The following UGGT1 variants were observed in gnomAD, a reference collection of about 807,000 sequenced individuals.
UGGT1 encodes UDP-glucose:glycoprotein glucosyltransferase 1.
In UGGT1, 107 loss-of-function variants were observed where a neutral mutation model predicts 203.9. The observed-to-expected ratio is 0.52, with a 90% CI of 0.45 to 0.62. The LOEUF is 0.62. Ranked by LOEUF, UGGT1 falls within the 20% of genes least tolerant of loss-of-function variation. UGGT1 has a pLI of 0.00. For missense variants in UGGT1, 1,673 were observed against 1,867.2 expected (o/e 0.90, Z 1.92); for synonymous variants, 628 against 653.5 (o/e 0.96, Z 0.59).
At chr2:128,112,474 T>TATATATATATATATATATATATATATA (rs1687915322) in intron 5 of UGGT1, among the ~76,000 whole-genome samples, 3 of 32,494 alleles carry the variant, frequency 9.2e-5, no homozygotes, top group African/African-American at 2.1e-4. Context: ...ATATATATAT[T>TATATATATATATATATATATATATATA]ACATACATAC....
chr2:128,111,790 C>T (rs6430983), intron 5 of UGGT1, among the ~76,000 whole-genome samples: 135,052 of 151,598 alleles, frequency 0.89, 61,132 homozygotes, highest in Non-Finnish European at 0.98. Context: ...CCACCACGAC[C>T]GGCCTATACT....
intron 11 of UGGT1, among the ~76,000 whole-genome samples, chr2:128,124,536 A>G (rs534386796): frequency 6.6e-6 from 1 of 151,680 alleles, no homozygotes; most frequent in South Asian, 2.1e-4. Flanking sequence ...TAGCTTTGGG[A>G]AATTTTCTTA....
intron 19 of UGGT1, among the ~76,000 whole-genome samples, chr2:128,153,428 C>T (rs1690075980): frequency 6.6e-6 from 1 of 152,030 alleles, no homozygotes; most frequent in African/African-American, 2.4e-5. Flanking sequence ...AAAGTTTGTG[C>T]AGTCATCACC....
chr2:128,151,120 G>T, intron 18 of UGGT1: 1 of 359,944 alleles, frequency 2.8e-6, no homozygotes. Flanking sequence ...CAAAGTGCTG[G>T]GATTATAGGC....
intron 28 of UGGT1, 114 bp from the exon 29 acceptor site, chr2:128,172,459 G>C (rs1691152918): frequency 7.9e-7 from 1 of 1,263,252 alleles, no homozygotes; most frequent in East Asian, 2.4e-5. Flanking sequence ...CAATCTGGAA[G>C]GGTACTCCTC....
At chr2:128,151,415 G>T in intron 18 of UGGT1, 1 of 365,734 alleles carries the variant, frequency 2.7e-6, no homozygotes, top group Non-Finnish European at 5.2e-6. Context: ...AACTCGATGG[G>T]CTTCTAATTG....
intron 13 of UGGT1, among the ~76,000 whole-genome samples, chr2:128,130,223 T>G (rs1688808787): frequency 6.8e-6 from 1 of 146,354 alleles, no homozygotes; most frequent in Admixed American, 7.0e-5. Context: ...ATCACGCCAC[T>G]GCGCTCCAGT....
At chr2:128,135,654 C>T (rs1689098920) in intron 15 of UGGT1, among the ~76,000 whole-genome samples, 1 of 152,152 alleles carries the variant, frequency 6.6e-6, no homozygotes, top group Non-Finnish European at 1.5e-5. Context: ...ATTCTACCTT[C>T]TTGGAAAAGA....
chr2:128,160,299 T>C (rs1036135563), intron 23 of UGGT1, among the ~76,000 whole-genome samples, 161 bp from the exon 24 acceptor site: 2 of 152,216 alleles, frequency 1.3e-5, no homozygotes, highest in South Asian at 2.1e-4. Flanking sequence ...AGTAGGGAGA[T>C]GGCGGGGAGA....
chr2:128,126,791 T>A (rs1688626951), intron 11 of UGGT1, among the ~76,000 whole-genome samples: 1 of 147,852 alleles, frequency 6.8e-6, no homozygotes, highest in Non-Finnish European at 1.5e-5. Context: ...CGAGCGGTTC[T>A]TGTGCCTCAG....
chr2:128,135,439 T>C (rs1300792498), intron 15 of UGGT1, among the ~76,000 whole-genome samples: 2 of 152,066 alleles, frequency 1.3e-5, no homozygotes, highest in Non-Finnish European at 2.9e-5. Flanking sequence ...TTAAGAACAG[T>C]TTTTTTTATT....
chr2:128,161,400 A>G, intron 25 of UGGT1, 132 bp downstream of exon 25: 1 of 1,057,376 alleles, frequency 9.5e-7, no homozygotes, highest in Admixed American at 2.6e-5. Flanking sequence ...ATCTAATAAT[A>G]CTCTTCAATT....
At chr2:128,153,037 T>A in intron 19 of UGGT1, 133 bp downstream of exon 19, 1 of 1,300,890 alleles carries the variant, frequency 7.7e-7, no homozygotes. Flanking sequence ...GACAAAATTT[T>A]ATGTGTAAAC....
intron 8 of UGGT1, 64 bp downstream of exon 8, chr2:128,116,407 C>A: frequency 9.7e-7 from 1 of 1,027,678 alleles, no homozygotes; most frequent in Non-Finnish European, 1.5e-6. Flanking sequence ...GGCTTTCTTG[C>A]ATTTTAAGCA....
At chr2:128,183,937 T>TGTGTGTGTGTGTGTGTGTGTGA (rs151153786) in intron 38 of UGGT1, 148 bp downstream of exon 38, 33 of 328,618 alleles carry the variant, frequency 1.0e-4, no homozygotes, top group East Asian at 4.8e-4. Flanking sequence ...TGTGTGTGTG[T>TGTGTGTGTGTGTGTGTGTGTGA]GAGAGAGAGA....
chr2:128,118,428 G>C (rs1688231371), intron 8 of UGGT1, among the ~76,000 whole-genome samples: 1 of 152,130 alleles, frequency 6.6e-6, no homozygotes, highest in African/African-American at 2.4e-5. Flanking sequence ...ACCATGCCTG[G>C]CTAATTTTCA....
intron 25 of UGGT1, among the ~76,000 whole-genome samples, chr2:128,163,531 C>T (rs1462979134): frequency 1.3e-5 from 2 of 151,446 alleles, no homozygotes; most frequent in Non-Finnish European, 2.9e-5. Flanking sequence ...TTGGCTAACA[C>T]GGTGAAACCC....
intron 14 of UGGT1, 109 bp from the exon 15 acceptor site, chr2:128,134,767 G>T: frequency 1.2e-6 from 1 of 858,820 alleles, no homozygotes; most frequent in Non-Finnish European, 1.9e-6. Context: ...TGGTTCAAGC[G>T]TAGCTCGAAA....
At chr2:128,162,805 C>T (rs999662844) in intron 25 of UGGT1, among the ~76,000 whole-genome samples, 2 of 152,146 alleles carry the variant, frequency 1.3e-5, no homozygotes, top group African/African-American at 4.8e-5. Context: ...TATATAACTG[C>T]CAGACTGTGC....
Sources: allele counts gnomAD v4.1 joint callset (sites outside exome capture counted in the v4.1 genomes callset), GRCh38; gene constraint gnomAD v4.1.1; transcripts MANE v1.5; gene names NCBI Gene and HGNC (gene_info 2026-07-23, HGNC 2026-07-21).